The following CFAP77 variants were observed in gnomAD, a reference collection of about 807,000 sequenced individuals.
The protein encoded by CFAP77 is cilia- and flagella-associated protein 77.
CFAP77 carries 25 observed loss-of-function variants against 31.1 expected under a neutral mutation model. That is an observed-to-expected ratio of 0.80 (90% CI 0.59 to 1.12). The LOEUF (loss-of-function observed/expected upper bound fraction) is 1.12, where lower values mean the gene tolerates loss of function less well. Among genes scored for constraint, CFAP77 ranks in the 50% most tolerant of loss-of-function variants. The probability of loss-of-function intolerance (pLI) is 0.00; values close to 1 mark genes in which losing one functional copy is unlikely to be tolerated. For missense variants in CFAP77, 377 were observed against 397.3 expected (o/e 0.95, Z 0.44); for synonymous variants, 151 against 159.9 (o/e 0.94, Z 0.42).
chr9:132,487,500 G>GA (rs1023294389), intron 1 of CFAP77, among the ~76,000 whole-genome samples: 4 of 151,720 alleles, frequency 2.6e-5, no homozygotes, highest in Admixed American at 2.6e-4. Context: ...CCTCAATATC[G>GA]AAAAAAGGGC....
chr9:132,459,893 AGT>A (rs1381377632), intron 1 of CFAP77, among the ~76,000 whole-genome samples: 4 of 145,892 alleles, frequency 2.7e-5, no homozygotes, highest in South Asian at 4.4e-4. Context: ...TGTGGGTGTG[AGT>A]GTGTTAGTGT....
intron 5 of CFAP77, among the ~76,000 whole-genome samples, chr9:132,560,141 G>A (rs1852969874): frequency 6.6e-6 from 1 of 152,194 alleles, no homozygotes; most frequent in Non-Finnish European, 1.5e-5. Context: ...TAAAATTGGT[G>A]AGGTTTATGG....
At chr9:132,459,499 A>G (rs1850999674) in intron 1 of CFAP77, among the ~76,000 whole-genome samples, 1 of 144,970 alleles carries the variant, frequency 6.9e-6, no homozygotes, top group Admixed American at 6.9e-5. Context: ...ATATGTGTGT[A>G]TATGTATGTC....
intron 3 of CFAP77, among the ~76,000 whole-genome samples, chr9:132,504,299 G>A (rs907025741): frequency 1.3e-5 from 2 of 152,168 alleles, no homozygotes; most frequent in African/African-American, 4.8e-5. Flanking sequence ...TAGTGCCGGG[G>A]TTTTCCACGG....
Position 132,499,632 on chromosome 9 carries a change from T to C in CFAP77, c.524+32T>C. 6.3e-7 allele frequency: 1 copy of C among 1,599,366 alleles called. No individual in the cohort carries two copies. The highest frequency in any genetic ancestry group is 8.6e-7 in the Non-Finnish European group (1 of 1,166,742). On this transcript the variant is annotated intron_variant, in intron 3 of 5. Coordinates refer to ENST00000393216, the MANE Select transcript of CFAP77 (RefSeq NM_001282957.2). The surrounding 1 kb of genome is among the most constrained non-coding windows in gnomAD (Gnocchi z 5.4). ...TGGCTGGCAGCCAGGGCTTCATCCC[T>C]TGAGGGGGTGGAGGTACCAGCTCAA...
intron 1 of CFAP77, among the ~76,000 whole-genome samples, chr9:132,449,375 T>G (rs1393077573): frequency 6.6e-6 from 1 of 152,166 alleles, no homozygotes; most frequent in African/African-American, 2.4e-5. Flanking sequence ...TGATTGCTTT[T>G]TGTTGCTACA....
chr9:132,474,213 A>G (rs1245755577), intron 1 of CFAP77, among the ~76,000 whole-genome samples: 3 of 152,174 alleles, frequency 2.0e-5, no homozygotes, highest in Admixed American at 6.5e-5. Context: ...TTTTGCTTTG[A>G]GTAGAGAATA....
chr9:132,542,875 A>T, intron 4 of CFAP77, 71 bp from the exon 5 acceptor site: 1 of 1,200,730 alleles, frequency 8.3e-7, no homozygotes, highest in African/African-American at 1.5e-5. Context: ...CTCTGTCTCT[A>T]TATCCCTTCA....
chr9:132,558,302 G>T (rs1275776582), intron 5 of CFAP77, among the ~76,000 whole-genome samples: 1 of 152,116 alleles, frequency 6.6e-6, no homozygotes, highest in Non-Finnish European at 1.5e-5. Flanking sequence ...TGCTTCAAAC[G>T]ATACTATCAA....
rs374057718 is a variant in CFAP77, at chr9:132,554,353, A to AT, written c.732+11317dup. On this transcript the variant is annotated intron_variant, in intron 5 of 5. Coordinates refer to ENST00000393216, the MANE Select transcript of CFAP77 (RefSeq NM_001282957.2). The surrounding 1 kb of genome is among the most constrained non-coding windows in gnomAD (Gnocchi z 4.1). ...TGCAACCCTTATTTTTATTTTATTTATTTTTTTTTTTGAGACAGGCTCTCA... is the reference window on the plus strand; with the variant it reads ...TGCAACCCTTATTTTTATTTTATTTATTTTTTTTTTTTGAGACAGGCTCTCA... Among the ~76,000 whole-genome samples the AT allele has an allele frequency of 0.024, 3,514 of 147,938 alleles. 68 individuals are homozygous for AT. The highest frequency in any genetic ancestry group is 0.058 in the African/African-American group (2,352 of 40,392).
intron 3 of CFAP77, among the ~76,000 whole-genome samples, chr9:132,523,090 T>TC (rs1852298152): frequency 1.6e-5 from 2 of 125,150 alleles, no homozygotes; most frequent in East Asian, 4.1e-4. Flanking sequence ...TCTTCTTTCT[T>TC]TTTTTTTTTT....
chr9:132,488,186 G>A (rs1005753602), intron 1 of CFAP77, among the ~76,000 whole-genome samples: 11 of 152,212 alleles, frequency 7.2e-5, no homozygotes, highest in Non-Finnish European at 2.9e-5. Flanking sequence ...AGGAAGTGGG[G>A]AGTGATTGAT....
chr9:132,430,142 TTGTCTGCTTC>T (rs1818806838), intron 1 of CFAP77, among the ~76,000 whole-genome samples: 1 of 152,146 alleles, frequency 6.6e-6, no homozygotes, highest in Admixed American at 6.5e-5. Context: ...GCTTTTCTGT[TTGTCTGCTTC>T]TGTCTAATTT....
rs1269153015 is a variant in CFAP77 at position 132,501,984 on chromosome 9, T to A, written c.524+2384T>A. Among the ~76,000 whole-genome samples, 5 of 152,228 alleles carry A rather than the reference T, an allele frequency of 3.3e-5. No homozygotes were observed. The highest frequency in any genetic ancestry group is 5.9e-5 in the Non-Finnish European group (4 of 68,036). On this transcript the variant is annotated intron_variant, in intron 3 of 5. Transcript: ENST00000393216. The surrounding 1 kb of genome is among the most constrained non-coding windows in gnomAD (Gnocchi z 4.6). ...GCCCTTTCTACCTCACTACACAAGC[T>A]GGTCATTAGCACAAAAATGACCAAT...
At chr9:132,476,470 G>A (rs546996108) in intron 1 of CFAP77, among the ~76,000 whole-genome samples, 2 of 152,190 alleles carry the variant, frequency 1.3e-5, no homozygotes, top group African/African-American at 4.8e-5. Context: ...GTGTCTGTCT[G>A]AGCAGATGGG....
intron 1 of CFAP77, among the ~76,000 whole-genome samples, chr9:132,444,514 C>G (rs1462844692): frequency 6.6e-6 from 1 of 152,164 alleles, no homozygotes; most frequent in Non-Finnish European, 1.5e-5. Flanking sequence ...TCCAGGGCCC[C>G]ACAGGTTCAG....
At chr9:132,505,339 A>G (rs1026448023) in intron 3 of CFAP77, among the ~76,000 whole-genome samples, 1 of 152,224 alleles carries the variant, frequency 6.6e-6, no homozygotes, top group African/African-American at 2.4e-5. Flanking sequence ...AGATTATTCA[A>G]TTACTTCCTT....
At position 132,498,362 on chromosome 9, in the gene CFAP77, C is replaced by T. The variant is rs972043348; in HGVS notation, c.196-333C>T. 4.6e-5 allele frequency among the ~76,000 whole-genome samples: 7 copies of T among 152,166 alleles called. No individual in the cohort carries two copies. Among genetic ancestry groups the T allele is most frequent in the Admixed American group, 2.6e-4 (4 of 15,278 alleles). ...TCCTGCATTTCCAGCTTGAGCCAGC[C>T]AGGTCTAGGCTGCACCCCAAACACA... On this transcript the variant is annotated intron_variant, in intron 1 of 5. Coordinates refer to ENST00000393216, the MANE Select transcript of CFAP77 (RefSeq NM_001282957.2). This position sits in a 1 kb window ranked among gnomAD's most constrained non-coding sequence, Gnocchi z 4.2.
intron 1 of CFAP77, among the ~76,000 whole-genome samples, chr9:132,475,459 C>G (rs1373100418): frequency 6.6e-6 from 1 of 152,214 alleles, no homozygotes; most frequent in Non-Finnish European, 1.5e-5. Flanking sequence ...CCACAGTCTC[C>G]CTGCTGAGGG....
Sources: allele counts gnomAD v4.1 joint callset (sites outside exome capture counted in the v4.1 genomes callset), GRCh38; gene constraint gnomAD v4.1.1; non-coding constraint Gnocchi (gnomAD v3.1); transcripts MANE v1.5; gene names NCBI Gene and HGNC (gene_info 2026-07-23, HGNC 2026-07-21).